TCERG1: variants seen among roughly 807,000 people sequenced by gnomAD.
TCERG1 encodes the protein TATA box binding protein (TBP)-associated factor, RNA polymerase II, S, 150kD.
In TCERG1, 37 loss-of-function variants were observed where a neutral mutation model predicts 144.7. That is an observed-to-expected ratio of 0.26 (90% CI 0.20 to 0.34). The LOEUF (loss-of-function observed/expected upper bound fraction) is 0.34, where lower values mean the gene tolerates loss of function less well. Among genes scored for constraint, TCERG1 ranks in the 10% least tolerant of loss-of-function variants. The pLI is 1.00. For missense variants in TCERG1, 1,027 were observed against 1,380.7 expected, an observed-to-expected ratio of 0.74 and a Z score of 4.06; for synonymous variants, 492 against 458.2, an observed-to-expected ratio of 1.07 and a Z score of -0.94.
rs747127771 is a variant in TCERG1 at position 146,503,459 on chromosome 5, A to G, written c.2518A>G (p.Ser840Gly). 82 of 1,613,938 alleles carry G rather than the reference A, an allele frequency of 5.1e-5. 2 individuals carry two copies. The highest frequency in any genetic ancestry group is 6.2e-5 in the Non-Finnish European group (73 of 1,179,956). Residue 840 changes from serine to glycine, a missense_variant, in exon 18 of 23, where the codon AGT becomes GGT. Physicochemically the swap from Ser to Gly is moderately conservative, Grantham distance 56. Transcript: ENST00000679501. ...GAGCAAAGTAAAAGACAAAGTAGAA[A>G]GTGATCCACGTTACAAAGCAGTAGA... ...RWSKVKDKVE[S>G]DPRYKAVDSS...
At chr5:146,488,301 T>C (rs556346642) in intron 15 of TCERG1, among the ~76,000 whole-genome samples, 1 of 152,128 alleles carries the variant, frequency 6.6e-6, no homozygotes, top group Non-Finnish European at 1.5e-5. Context: ...GAAGACATCC[T>C]ACAGAATGGG....
chr5:146,451,203 TA>T (rs1299033595), intron 1 of TCERG1, among the ~76,000 whole-genome samples: 1 of 152,214 alleles, frequency 6.6e-6, no homozygotes, highest in African/African-American at 2.4e-5. Context: ...CCTTGGTGAT[TA>T]TCTTTTTTTT....
Position 146,482,603 on chromosome 5 carries a change from A to G in TCERG1, c.1949A>G (p.Asn650Ser). 1 of 1,612,020 alleles carries G rather than the reference A, an allele frequency of 6.2e-7. No individual in the cohort carries two copies. Among genetic ancestry groups the G allele is most frequent in the South Asian group, 1.1e-5 (1 of 90,806 alleles). Residue 650 changes from asparagine to serine, a missense_variant, in exon 14 of 23, where the codon AAT becomes AGT. Physicochemically the swap from Asn to Ser is conservative, Grantham distance 46. Transcript: ENST00000679501. The stretch of plus-strand genomic sequence containing the variant: ...TTTATTTTTTATAGGAGAGACGATA[A>G]TAAAGACATTGACTCAGAGAAAGAA... ...ARASLFRRDD[N>S]KDIDSEKEAA...
At chr5:146,454,559 A>G (rs529208632) in intron 1 of TCERG1, among the ~76,000 whole-genome samples, 3 of 151,620 alleles carry the variant, frequency 2.0e-5, no homozygotes, top group Admixed American at 2.0e-4. Context: ...TAGATCATCC[A>G]TTGATGTAAG....
At chr5:146,453,706 G>C (rs1047609217) in intron 1 of TCERG1, among the ~76,000 whole-genome samples, 23 of 151,866 alleles carry the variant, frequency 1.5e-4, no homozygotes, top group Non-Finnish European at 3.4e-4. Context: ...GGGAGGCTGA[G>C]GTGTGCAGAT....
chr5:146,504,914 T>C (rs1029759373), intron 19 of TCERG1, among the ~76,000 whole-genome samples: 1 of 151,842 alleles, frequency 6.6e-6, no homozygotes, highest in African/African-American at 2.4e-5. Context: ...GGTGTGGTGG[T>C]GCGTGCCTGT....
At chr5:146,500,891 C>G (rs188401710) in intron 17 of TCERG1, among the ~76,000 whole-genome samples, 1 of 151,918 alleles carries the variant, frequency 6.6e-6, no homozygotes, top group East Asian at 1.9e-4. Flanking sequence ...TTCTGTAGTT[C>G]CAGTTACTCT....
intron 15 of TCERG1, among the ~76,000 whole-genome samples, chr5:146,485,393 G>C (rs1280383028): frequency 6.6e-6 from 1 of 152,080 alleles, no homozygotes; most frequent in African/African-American, 2.4e-5. Flanking sequence ...AATTGTATGA[G>C]GCTAGAAACT....
intron 17 of TCERG1, among the ~76,000 whole-genome samples, 160 bp downstream of exon 17, chr5:146,498,846 A>G (rs924870182): frequency 1.3e-5 from 2 of 152,186 alleles, no homozygotes; most frequent in Non-Finnish European, 2.9e-5. Flanking sequence ...GTATGTATGT[A>G]TTCTATCACT....
At chr5:146,502,151 C>CAGT (rs1409881209) in intron 17 of TCERG1, among the ~76,000 whole-genome samples, 2 of 152,172 alleles carry the variant, frequency 1.3e-5, no homozygotes, top group Admixed American at 1.3e-4. Context: ...CCACCTCAGC[C>CAGT]TCCCAAACTG....
At chr5:146,463,412 T>C (rs1255884478) in intron 4 of TCERG1, 139 bp from the exon 5 acceptor site, 1 of 1,220,188 alleles carries the variant, frequency 8.2e-7, no homozygotes, top group African/African-American at 1.5e-5. Context: ...TTCTTGAAGA[T>C]AAGACCTTTT....
intron 2 of TCERG1, among the ~76,000 whole-genome samples, chr5:146,456,467 A>G (rs879329735): frequency 6.6e-6 from 1 of 152,116 alleles, no homozygotes; most frequent in Admixed American, 6.5e-5. Context: ...GTTTGGCTTT[A>G]TATTAAGTCC....
chr5:146,479,795 GA>G, intron 10 of TCERG1, 59 bp from the exon 11 acceptor site: 1 of 1,569,726 alleles, frequency 6.4e-7, no homozygotes. Context: ...TTTTTAAAAA[GA>G]AAAGTTTGTG....
chr5:146,493,308 C>T lies in TCERG1; in HGVS notation c.2282+270C>T, dbSNP rs149648595. Among the ~76,000 whole-genome samples, 8 of 152,004 alleles carry T rather than the reference C, an allele frequency of 5.3e-5. No homozygotes were observed. The East Asian group carries it at 1.5e-3, about 29-fold the overall frequency. On this transcript the variant is annotated intron_variant, in intron 16 of 22. Transcript: ENST00000679501. ...ACTAGTATATGATAGAAAATCTGTGCCTCATCTTTGTAAAGTTTTATACAT... is the reference window on the plus strand; with the variant it reads ...ACTAGTATATGATAGAAAATCTGTGTCTCATCTTTGTAAAGTTTTATACAT...
In TCERG1 at chr5:146,510,718, G is replaced by A; in HGVS notation, c.*76G>A. Reference sequence around the variant, plus strand: ...AATTTTCAGGTTTTTACATATATGTGCATTAGTCAACCTATTGCGAAACCA... The same window carrying A: ...AATTTTCAGGTTTTTACATATATGTACATTAGTCAACCTATTGCGAAACCA... On this transcript the variant is annotated 3_prime_UTR_variant, in exon 23 of 23. Transcript: ENST00000679501. 1.4e-6 allele frequency: 2 copies of A among 1,436,956 alleles called. No individual in the cohort carries two copies. The highest frequency in any genetic ancestry group is 1.3e-5 in the South Asian group (1 of 75,818). The allele number at this position is 1,436,956 out of a possible 1,614,324, so 89.0% of individuals were successfully genotyped here.
At chr5:146,458,843 G>A (rs963209521) in intron 3 of TCERG1, 41 bp from the exon 4 acceptor site, 61 of 1,558,876 alleles carry the variant, frequency 3.9e-5, no homozygotes, top group Non-Finnish European at 4.2e-5. Context: ...AATAATAACT[G>A]ACAGATTTTA....
At chr5:146,484,702 A>G (rs1449384270) in intron 15 of TCERG1, among the ~76,000 whole-genome samples, 1 of 152,162 alleles carries the variant, frequency 6.6e-6, no homozygotes, top group African/African-American at 2.4e-5. Flanking sequence ...ATTTCAGTTT[A>G]TGGCTCTATC....
Position 146,471,469 on chromosome 5 carries a change from G to C in TCERG1, c.1513-19G>C. 6.2e-7 allele frequency: 1 copy of C among 1,604,342 alleles called. No homozygotes were observed. ...TATTGTTAATGTGATACTAATTAGAGTAATATCATTTCTTGTAGGAGCCCA... is the reference window on the plus strand; with the variant it reads ...TATTGTTAATGTGATACTAATTAGACTAATATCATTTCTTGTAGGAGCCCA... On this transcript the variant is annotated intron_variant, in intron 8 of 22. Transcript: ENST00000679501.
chr5:146,503,631 G>A (rs1180379447), intron 18 of TCERG1, 92 bp downstream of exon 18: 6 of 1,480,178 alleles, frequency 4.1e-6, no homozygotes, highest in East Asian at 2.3e-5. Context: ...TTTCTATTGG[G>A]GGTTTGGATT....
Sources: allele counts gnomAD v4.1 joint callset (sites outside exome capture counted in the v4.1 genomes callset), GRCh38; gene constraint gnomAD v4.1.1; transcripts MANE v1.5; gene names NCBI Gene and HGNC (gene_info 2026-07-23, HGNC 2026-07-21).